WSCD1: variants seen among roughly 807,000 people sequenced by gnomAD.
WSCD1 encodes the protein sialate:O-sulfotransferase 1.
A neutral mutation model predicts 60.4 loss-of-function variants in WSCD1; 41 were observed. That is an observed-to-expected ratio of 0.68 (90% CI 0.53 to 0.88). WSCD1 has a LOEUF of 0.88. Ranked by LOEUF, WSCD1 falls within the 40% of genes least tolerant of loss-of-function variation. The pLI, the probability that WSCD1 is intolerant of heterozygous loss-of-function variation, is 0.00. For missense variants in WSCD1, 784 were observed against 796.2 expected (o/e 0.98, Z 0.18); for synonymous variants, 361 against 332.5 (o/e 1.09, Z -0.93).
chr17:6,098,258 C>G (rs1364585889), intron 5 of WSCD1, among the ~76,000 whole-genome samples: 1 of 152,174 alleles, frequency 6.6e-6, no homozygotes, highest in Non-Finnish European at 1.5e-5. Flanking sequence ...AAGCATGAGC[C>G]ACTGTGCCCG....
chr17:6,111,443 G>A (rs1307008684), intron 7 of WSCD1, among the ~76,000 whole-genome samples: 3 of 152,214 alleles, frequency 2.0e-5, no homozygotes, highest in Non-Finnish European at 4.4e-5. Flanking sequence ...GCTCACGCCT[G>A]TAATCCTAAC....
chr17:6,096,947 A>T (rs1396200783), intron 5 of WSCD1, among the ~76,000 whole-genome samples: 1 of 152,234 alleles, frequency 6.6e-6, no homozygotes, highest in East Asian at 1.9e-4. Flanking sequence ...GCGGGGGGTT[A>T]TCTGCTTTAA....
intron 8 of WSCD1, among the ~76,000 whole-genome samples, chr17:6,119,440 A>G (rs983460734): frequency 2.0e-5 from 3 of 152,200 alleles, no homozygotes; most frequent in Non-Finnish European, 4.4e-5. Flanking sequence ...GTGATGTGAA[A>G]TGAAGTTGGT....
Position 6,099,511 on chromosome 17 carries a change from T to C in WSCD1, c.849+4288T>C, listed in dbSNP as rs575602040. 2.6e-4 allele frequency among the ~76,000 whole-genome samples: 39 copies of C among 147,748 alleles called. No homozygotes were observed. The South Asian group carries it at 7.3e-3, about 27-fold the overall frequency. On this transcript the variant is annotated intron_variant, in intron 5 of 8. Transcript: ENST00000317744. ...GCCTGGGCGACAGAGCAAGACTCTGTCTCAAAAACAAAAAAAAAAAGAGAG... is the reference window on the plus strand; with the variant it reads ...GCCTGGGCGACAGAGCAAGACTCTGCCTCAAAAACAAAAAAAAAAAGAGAG...
In WSCD1 at chr17:6,106,709, G is replaced by T. The variant is rs115891320; in HGVS notation, c.850-2898G>T. ...TCAGAGCATGTCATCAGATAGGTTA[G>T]TACACAAAACTGTAAAGCATGGTGA... On this transcript the variant is annotated intron_variant, in intron 5 of 8. Transcript: ENST00000317744. Among the ~76,000 whole-genome samples, 1,195 of 152,302 alleles carry T rather than the reference G, an allele frequency of 7.8e-3. 15 individuals are homozygous for T. The highest frequency in any genetic ancestry group is 0.027 in the African/African-American group (1,132 of 41,566).
intron 1 of WSCD1, among the ~76,000 whole-genome samples, chr17:6,073,017 G>A (rs149313180): frequency 3.0e-3 from 464 of 152,334 alleles, no homozygotes; most frequent in African/African-American, 0.011. Flanking sequence ...GCTGCCGGAA[G>A]CCCCTGGAGA....
chr17:6,084,692 G>A (rs1411984913), intron 2 of WSCD1: 1 of 152,278 alleles, frequency 6.6e-6, no homozygotes, highest in Non-Finnish European at 1.5e-5. Flanking sequence ...TATCTTCAAA[G>A]CCGTCGTTAC....
chr17:6,102,035 C>T (rs908025434), intron 5 of WSCD1, among the ~76,000 whole-genome samples: 13 of 152,182 alleles, frequency 8.5e-5, no homozygotes, highest in African/African-American at 2.7e-4. Flanking sequence ...ATAAAGGAAT[C>T]GCAGGGAGAG....
At chr17:6,103,923 C>T (rs1309868555) in intron 5 of WSCD1, among the ~76,000 whole-genome samples, 1 of 152,168 alleles carries the variant, frequency 6.6e-6, no homozygotes, top group African/African-American at 2.4e-5. Context: ...AAACTCACAC[C>T]TATAGACTCC....
At chr17:6,092,095 A>G (rs540960382) in intron 4 of WSCD1, among the ~76,000 whole-genome samples, 1 of 147,954 alleles carries the variant, frequency 6.8e-6, no homozygotes, top group South Asian at 2.2e-4. Flanking sequence ...CGGAGGTTGC[A>G]GTGAGCCAAA....
intron 6 of WSCD1, among the ~76,000 whole-genome samples, 158 bp downstream of exon 6, chr17:6,109,924 G>A (rs1003042057): frequency 1.3e-5 from 2 of 152,162 alleles, no homozygotes; most frequent in Admixed American, 1.3e-4. Context: ...TGGAGATAAT[G>A]GGGAGGGTCA....
In WSCD1 at chr17:6,123,313, T is replaced by C. The variant is rs1330560097; in HGVS notation, c.*2652T>C. 1 of 152,190 alleles carries C rather than the reference T, an allele frequency of 6.6e-6. No homozygotes were observed. Among genetic ancestry groups the C allele is most frequent in the African/African-American group, 2.4e-5 (1 of 41,450 alleles). 9.4% of individuals were successfully genotyped at this position (152,190 alleles called of 1,614,324 possible). The stretch of plus-strand genomic sequence containing the variant: ...AAACATGTAATTTTTATGGATTTCA[T>C]CTCCCGTTGTGGATCAATTTGGAAA... On this transcript the variant is annotated 3_prime_UTR_variant, in exon 9 of 9. Coordinates refer to ENST00000317744, the MANE Select transcript of WSCD1 (RefSeq NM_015253.2).
Position 6,120,334 on chromosome 17 carries a change from C to T in WSCD1, c.1401C>T (p.Tyr467=), listed in dbSNP as rs369854579. The part of the protein sequence containing the change: ...SKEWPDFVNS[Y]ASWWSSHVLD... ...AGTGGCCGGACTTTGTCAACAGCTACGCCTCGTGGTGGTCCTCGCACGTCC... is the reference window on the plus strand; with the variant it reads ...AGTGGCCGGACTTTGTCAACAGCTATGCCTCGTGGTGGTCCTCGCACGTCC... The change falls in exon 9 of 9, where the codon TAC becomes TAT. Residue 467 remains tyrosine, a synonymous_variant. Transcript: ENST00000317744. The T allele has an allele frequency of 3.9e-5, 63 of 1,613,926 alleles. No individual in the cohort carries two copies. The highest frequency in any genetic ancestry group is 8.8e-5 in the South Asian group (8 of 91,052).
Position 6,075,420 on chromosome 17 carries a change from C to T in WSCD1, c.-289+4768C>T, listed in dbSNP as rs1908787280. 1.3e-5 allele frequency among the ~76,000 whole-genome samples: 2 copies of T among 152,130 alleles called. No homozygotes were observed. Among genetic ancestry groups the T allele is most frequent in the Non-Finnish European group, 2.9e-5 (2 of 68,020 alleles). ...TCCTCTCCTCTCCCTGCTGCCACCC[C>T]TCAGTCTCTGGACCCCTAGCCTGGC... On this transcript the variant is annotated intron_variant, in intron 1 of 8. Coordinates refer to ENST00000317744, the MANE Select transcript of WSCD1 (RefSeq NM_015253.2). This position sits in a 1 kb window ranked among gnomAD's most constrained non-coding sequence, Gnocchi z 4.1.
At position 6,120,360 on chromosome 17, in the gene WSCD1, T is replaced by G. The variant is rs777113681; in HGVS notation, c.1427T>G (p.Leu476Arg). The change falls in exon 9 of 9, where the codon CTG becomes CGG. Residue 476 changes from leucine to arginine, a missense_variant. By Grantham distance (102) the Leu-to-Arg change is moderately radical. Coordinates refer to ENST00000317744, the MANE Select transcript of WSCD1 (RefSeq NM_015253.2). ...GCCTCGTGGTGGTCCTCGCACGTCC[T>G]GGACTGGCTCAAGTACGGGAAGCGG... ...SYASWWSSHV[L>R]DWLKYGKRLL... The G allele has an allele frequency of 2.5e-6, 4 of 1,614,118 alleles. No homozygotes were observed. Among genetic ancestry groups the G allele is most frequent in the Non-Finnish European group, 3.4e-6 (4 of 1,180,028 alleles).
intron 5 of WSCD1, among the ~76,000 whole-genome samples, chr17:6,099,531 A>T (rs1910666673): frequency 6.6e-6 from 1 of 150,780 alleles, no homozygotes; most frequent in African/African-American, 2.5e-5. Context: ...AAAAAAAAAA[A>T]GAGAGCAACT....
At chr17:6,086,275 A>ATATATATATATATATATATATG (rs1909642913) in intron 2 of WSCD1, among the ~76,000 whole-genome samples, 2 of 143,766 alleles carry the variant, frequency 1.4e-5, no homozygotes, top group African/African-American at 2.6e-5. Context: ...ATATATATAT[A>ATATATATATATATATATATATG]CTTATGTACT....
intron 7 of WSCD1, among the ~76,000 whole-genome samples, chr17:6,115,506 A>G (rs1203827883): frequency 1.4e-5 from 2 of 141,768 alleles, no homozygotes; most frequent in Non-Finnish European, 3.3e-5. Context: ...CATTGGCATC[A>G]AATTTGGCAA....
At chr17:6,094,576 AGGAGAAGGAAGGGAGG>A (rs1910270188) in intron 4 of WSCD1, among the ~76,000 whole-genome samples, 1 of 146,760 alleles carries the variant, frequency 6.8e-6, no homozygotes, top group African/African-American at 2.5e-5. Flanking sequence ...AGGAAAAGGA[AGGAGAAGGAAGGGAGG>A]AAGGAAGGAA....
Sources: allele counts gnomAD v4.1 joint callset (sites outside exome capture counted in the v4.1 genomes callset), GRCh38; gene constraint gnomAD v4.1.1; non-coding constraint Gnocchi (gnomAD v3.1); transcripts MANE v1.5; gene names NCBI Gene and HGNC (gene_info 2026-07-23, HGNC 2026-07-21).